STK3: variants seen among roughly 807,000 people sequenced by gnomAD.
The protein encoded by STK3 is serine/threonine kinase 3.
In STK3, 41 loss-of-function variants were observed where a neutral mutation model predicts 58.0. The ratio of observed to expected loss-of-function variants is 0.71; its 90% CI spans 0.55 to 0.92. The LOEUF (loss-of-function observed/expected upper bound fraction) is 0.92. Among genes scored for constraint, STK3 ranks in the 40% least tolerant of loss-of-function variants. The pLI is 0.00. For synonymous variants in STK3, 170 were observed against 191.0 expected, an observed-to-expected ratio of 0.89 and a Z score of 0.91; for missense variants, 479 against 602.7, an observed-to-expected ratio of 0.79 and a Z score of 2.15.
the STK3 span, among the ~76,000 whole-genome samples, chr8:98,364,712 G>T: frequency 6.6e-6 from 1 of 152,182 alleles, no homozygotes; most frequent in Admixed American, 6.5e-5. Context: ...GAGAGAGGAG[G>T]TTGGGGATGC....
intron 9 of STK3, among the ~76,000 whole-genome samples, chr8:98,543,289 T>C (rs1451136644): frequency 6.6e-6 from 1 of 152,134 alleles, no homozygotes; most frequent in Non-Finnish European, 1.5e-5. Context: ...ATATACTGCT[T>C]CTTAACTGGT....
chr8:98,869,018 G>GGAAA (rs1554692569), intron 3 of STK3, among the ~76,000 whole-genome samples: 1 of 116,694 alleles, frequency 8.6e-6, no homozygotes, highest in African/African-American at 3.3e-5. Context: ...GAGAGAAAAA[G>GGAAA]GAAAGAAGGA....
chr8:98,369,441 A>G (rs1306278105), downstream of STK3, among the ~76,000 whole-genome samples: 1 of 152,080 alleles, frequency 6.6e-6, no homozygotes, highest in Non-Finnish European at 1.5e-5. Context: ...TGTATTTTTA[A>G]TACGGGGGTT....
chr8:98,828,897 A>G (rs1305803187), upstream of STK3, among the ~76,000 whole-genome samples: 2 of 152,236 alleles, frequency 1.3e-5, no homozygotes. Flanking sequence ...AAGTTGAGCC[A>G]TATCTTTATT....
chr8:98,506,057 T>C (rs542963404), intron 10 of STK3, among the ~76,000 whole-genome samples: 1 of 152,312 alleles, frequency 6.6e-6, no homozygotes, highest in South Asian at 2.1e-4. Flanking sequence ...CTCCACCCAG[T>C]TTGAGCTTCC....
At chr8:98,716,062 C>T (rs1351307841) in intron 4 of STK3, among the ~76,000 whole-genome samples, 2 of 152,066 alleles carry the variant, frequency 1.3e-5, no homozygotes, top group Non-Finnish European at 2.9e-5. Context: ...CATGTTCTCA[C>T]TCATAGGTGG....
At chr8:98,481,321 TCA>T (rs1351026054) in intron 10 of STK3, among the ~76,000 whole-genome samples, 1 of 152,134 alleles carries the variant, frequency 6.6e-6, no homozygotes, top group Non-Finnish European at 1.5e-5. Flanking sequence ...GTGGCACAAT[TCA>T]CAGTCGCAAA....
intron 8 of STK3, among the ~76,000 whole-genome samples, chr8:98,550,702 C>G (rs1276599540): frequency 6.6e-6 from 1 of 152,116 alleles, no homozygotes; most frequent in East Asian, 1.9e-4. Context: ...TGAGGACTCT[C>G]CCATCTAACT....
intron 10 of STK3, among the ~76,000 whole-genome samples, chr8:98,491,183 G>C (rs1822659916): frequency 6.6e-6 from 1 of 151,652 alleles, no homozygotes; most frequent in Non-Finnish European, 1.5e-5. Flanking sequence ...GAGAGAGAGA[G>C]AGAGAGAGAG....
At chr8:98,617,985 C>T (rs140234436) in intron 6 of STK3, among the ~76,000 whole-genome samples, 1,841 of 152,188 alleles carry the variant, frequency 0.012, 41 homozygotes, top group African/African-American at 0.042. Flanking sequence ...CATTCTGATA[C>T]CAAAGCCGGG....
intron 6 of STK3, among the ~76,000 whole-genome samples, chr8:98,600,226 G>T (rs1816211649): frequency 6.6e-6 from 1 of 152,052 alleles, no homozygotes; most frequent in African/African-American, 2.4e-5. Context: ...GGGTGCAGCT[G>T]GTATTCTGGA....
At chr8:98,628,524 T>C (rs1021014932) in intron 6 of STK3, among the ~76,000 whole-genome samples, 5 of 152,108 alleles carry the variant, frequency 3.3e-5, no homozygotes, top group African/African-American at 1.2e-4. Flanking sequence ...CAGGCAGGCA[T>C]GGTGGCTCAC....
chr8:98,923,858 C>CGT (rs1839675774), intron 1 of STK3, among the ~76,000 whole-genome samples: 6 of 80,878 alleles, frequency 7.4e-5, no homozygotes, highest in African/African-American at 3.2e-4. Flanking sequence ...TGTGTGTGCG[C>CGT]GCGCGCGCGC....
At chr8:98,905,266 T>C (rs114473523) in intron 1 of STK3, 389 of 831,222 alleles carry the variant, frequency 4.7e-4, no homozygotes, top group African/African-American at 2.5e-3. Flanking sequence ...AAACTCTGTG[T>C]TGTCAAGGCC....
chr8:98,529,939 G>A (rs910995539), intron 9 of STK3, among the ~76,000 whole-genome samples: 1 of 152,136 alleles, frequency 6.6e-6, no homozygotes, highest in Non-Finnish European at 1.5e-5. Flanking sequence ...AAAGAGTTAT[G>A]GAAATTGATG....
downstream of STK3, chr8:98,881,052 CAT>C (rs1473159947): frequency 1.2e-4 from 18 of 152,182 alleles, no homozygotes; most frequent in Non-Finnish European, 2.4e-4. Context: ...ATGCCAATAA[CAT>C]ATAGCATATT....
Position 98,571,663 on chromosome 8 carries a change from A to G in STK3, c.948+8001T>C, listed in dbSNP as rs551739075. On this transcript the variant is annotated intron_variant, in intron 8 of 10. Transcript: ENST00000419617. ...AGCTCTAAGACATAGTCTAAGACCA[A>G]TTAGACTTCTTTTCTTTGAGTCATT... Among the ~76,000 whole-genome samples, 7 of 152,346 alleles carry G rather than the reference A, an allele frequency of 4.6e-5. No homozygotes were observed. In the South Asian group the frequency reaches 6.2e-4, roughly 14 times the overall value.
intron 3 of STK3, among the ~76,000 whole-genome samples, chr8:98,870,620 G>T (rs1245914469): frequency 4.6e-5 from 7 of 152,140 alleles, no homozygotes; most frequent in Admixed American, 2.0e-4. Flanking sequence ...TTATGTGTCT[G>T]TTGGCTGCAT....
Position 98,738,294 on chromosome 8 carries a change from G to A in STK3, c.351+10982C>T, listed in dbSNP as rs943275137. ...TCCAGACCAGCCTGGCCAACGTGGC[G>A]AAACCCTATCTCTACTAAAAATATA... On this transcript the variant is annotated intron_variant, in intron 4 of 10. Transcript: ENST00000419617. 2.1e-4 allele frequency among the ~76,000 whole-genome samples: 32 copies of A among 151,820 alleles called. 1 individual carries two copies. The highest frequency in any genetic ancestry group is 6.4e-3 in the Middle Eastern group (2 of 314).
Sources: gnomAD v4.1 joint callset for allele counts (sites outside exome capture counted in the v4.1 genomes callset) on GRCh38, gnomAD v4.1.1 for gene constraint, MANE v1.5 for transcripts, NCBI Gene and HGNC (gene_info 2026-07-23, HGNC 2026-07-21) for gene names.